The following PHLPP1 variants were observed in gnomAD, a reference collection of about 807,000 sequenced individuals.
PHLPP1 encodes the protein PH domain and leucine rich repeat protein phosphatase 1, also known as PH domain leucine-rich repeat-containing protein phosphatase 1.
PHLPP1 carries 42 observed loss-of-function variants against 117.2 expected under a neutral mutation model. That is an observed-to-expected ratio of 0.36 (90% CI 0.28 to 0.46). The LOEUF is 0.46. Among genes scored for constraint, PHLPP1 ranks in the 20% least tolerant of loss-of-function variants. PHLPP1 has a pLI of 1.00. For missense variants in PHLPP1, 2,084 were observed against 2,241.9 expected (o/e 0.93, Z 1.42); for synonymous variants, 1,042 against 970.7 (o/e 1.07, Z -1.37).
At chr18:62,832,032 T>C (rs1327537920) in intron 2 of PHLPP1, 1 of 152,244 alleles carries the variant, frequency 6.6e-6, no homozygotes, top group East Asian at 1.9e-4. Context: ...ATTACCACTA[T>C]AGGTTATTAA....
intron 10 of PHLPP1, among the ~76,000 whole-genome samples, chr18:62,930,918 G>A (rs531799903): frequency 3.3e-5 from 5 of 152,178 alleles, no homozygotes; most frequent in East Asian, 1.9e-4. Context: ...GGCCGGGTGC[G>A]GTGGCTCATG....
At chr18:62,803,555 T>C (rs1180551472) in intron 1 of PHLPP1, among the ~76,000 whole-genome samples, 1 of 152,232 alleles carries the variant, frequency 6.6e-6, no homozygotes, top group Admixed American at 6.5e-5. Context: ...TAGTTTTACA[T>C]TGTATAATTA....
intron 3 of PHLPP1, among the ~76,000 whole-genome samples, chr18:62,844,170 C>T (rs1248471526): frequency 1.3e-5 from 2 of 152,012 alleles, no homozygotes; most frequent in East Asian, 1.9e-4. Context: ...AACATGGTCT[C>T]TACAAAAAAT....
intron 12 of PHLPP1, among the ~76,000 whole-genome samples, chr18:62,955,190 A>G (rs559508917): frequency 6.6e-6 from 1 of 152,370 alleles, no homozygotes; most frequent in East Asian, 1.9e-4. Context: ...GTGTTAAGGC[A>G]CAGACAGATG....
At chr18:62,785,090 A>G (rs1294400931) in intron 1 of PHLPP1, among the ~76,000 whole-genome samples, 1 of 152,184 alleles carries the variant, frequency 6.6e-6, no homozygotes, top group East Asian at 1.9e-4. Flanking sequence ...TAATTGATGT[A>G]TTGTTTATAT....
At chr18:62,821,741 A>C (rs913250132) in intron 1 of PHLPP1, among the ~76,000 whole-genome samples, 1 of 151,556 alleles carries the variant, frequency 6.6e-6, no homozygotes, top group Middle Eastern at 3.2e-3. Context: ...TAAAAGGATA[A>C]TAAGAATGTA....
At chr18:62,846,607 C>T (rs1915189296) in intron 3 of PHLPP1, among the ~76,000 whole-genome samples, 1 of 150,918 alleles carries the variant, frequency 6.6e-6, no homozygotes, top group Non-Finnish European at 1.5e-5. Flanking sequence ...AGTTCCATTT[C>T]ATTTTCTTGT....
chr18:62,739,359 AC>A (rs1251091833), intron 1 of PHLPP1, among the ~76,000 whole-genome samples: 1 of 152,132 alleles, frequency 6.6e-6, no homozygotes, highest in Non-Finnish European at 1.5e-5. Context: ...ATTTTTGGTG[AC>A]GTATTGTAGT....
rs770851475 is a variant in PHLPP1 at position 62,978,460 on chromosome 18, G to A, written c.4183G>A (p.Ala1395Thr). Residue 1395 changes from alanine to threonine, a missense_variant, in exon 17 of 17, where the codon GCC (alanine) becomes ACC (threonine). Physicochemically the swap from Ala to Thr is moderately conservative, Grantham distance 58. Around this residue, in one of 2 missense-constraint regions of PHLPP1, gnomAD observed 1,365 missense variants for 1,605.9 expected, o/e 0.85. Transcript: ENST00000262719. This position sits in a 1 kb window ranked among gnomAD's most constrained non-coding sequence, Gnocchi z 7.0. Reference protein sequence around the residue: ...AVEAVRNVPDALAAAKKLCTL... With the variant: ...AVEAVRNVPDTLAAAKKLCTL... ...GGAAGCCGTGCGCAACGTGCCCGAT[G>A]CCCTGGCTGCTGCCAAGAAGCTGTG... 6.2e-7 allele frequency: 1 copy of A among 1,609,618 alleles called. No individual in the cohort carries two copies. Among genetic ancestry groups the A allele is most frequent in the Non-Finnish European group, 8.5e-7 (1 of 1,178,022 alleles).
At chr18:62,830,907 C>T (rs575811538) in intron 2 of PHLPP1, among the ~76,000 whole-genome samples, 2 of 152,164 alleles carry the variant, frequency 1.3e-5, no homozygotes, top group South Asian at 2.1e-4. Context: ...TTGACACATG[C>T]GGAGGGTTTG....
At chr18:62,836,774 C>T (rs9954231) in intron 2 of PHLPP1, among the ~76,000 whole-genome samples, 35,619 of 150,890 alleles carry the variant, frequency 0.24, 6,726 homozygotes, top group African/African-American at 0.53. Context: ...TTTTAAATGG[C>T]TATATAGGGG....
At chr18:62,781,269 C>T (rs1022127515) in intron 1 of PHLPP1, among the ~76,000 whole-genome samples, 2 of 152,152 alleles carry the variant, frequency 1.3e-5, no homozygotes, top group Admixed American at 6.5e-5. Context: ...AAAGTTTGTA[C>T]ATCAGTCTAA....
At chr18:62,785,671 T>C (rs759145505) in intron 1 of PHLPP1, among the ~76,000 whole-genome samples, 2 of 152,216 alleles carry the variant, frequency 1.3e-5, no homozygotes, top group Admixed American at 6.5e-5. Flanking sequence ...CGCTGCCCAC[T>C]GTGCTGTTTT....
intron 1 of PHLPP1, among the ~76,000 whole-genome samples, chr18:62,812,952 C>T (rs1914165544): frequency 6.6e-6 from 1 of 152,058 alleles, no homozygotes; most frequent in East Asian, 1.9e-4. Context: ...GTGATTATTC[C>T]AACCAATGAA....
At chr18:62,943,366 C>T (rs1329965059) in intron 11 of PHLPP1, among the ~76,000 whole-genome samples, 5 of 152,178 alleles carry the variant, frequency 3.3e-5, no homozygotes, top group Non-Finnish European at 5.9e-5. Context: ...AATTAAAGAA[C>T]GGGACCACCA....
intron 15 of PHLPP1, among the ~76,000 whole-genome samples, chr18:62,974,543 G>C (rs1911136470): frequency 6.6e-6 from 1 of 152,182 alleles, no homozygotes; most frequent in South Asian, 2.1e-4. Flanking sequence ...AGGGGCCTGG[G>C]CAGTGTTACC....
chr18:62,766,082 T>TATATATATATATATATAAA (rs1912500249), intron 1 of PHLPP1, among the ~76,000 whole-genome samples: 1 of 45,966 alleles, frequency 2.2e-5, no homozygotes, highest in Admixed American at 2.1e-4. Flanking sequence ...AAAAAATATA[T>TATATATATATATATATAAA]ATATATATAT....
Position 62,905,210 on chromosome 18 carries a change from T to C in PHLPP1, c.2648-14T>C. The C allele has an allele frequency of 6.6e-7, 1 of 1,514,880 alleles. No homozygotes were observed. Among genetic ancestry groups the C allele is most frequent in the African/African-American group, 1.4e-5 (1 of 71,348 alleles). The allele number at this position is 1,514,880 out of a possible 1,614,324, so 93.8% of individuals were successfully genotyped here. A position where few individuals can be genotyped will look rare whatever the true frequency, so the allele number is the denominator to read the frequency against. On this transcript the variant is annotated splice_polypyrimidine_tract_variant and intron_variant, in intron 7 of 16. Transcript: ENST00000262719. ...ATAGTAATGTCTTTGTGGGGTTTTT[T>C]TTTTTCTTCCTAGAACTTGTTCAAC...
rs145107126 is a variant in PHLPP1 at position 62,965,928 on chromosome 18, A to G, written c.3560+2456A>G. Among the ~76,000 whole-genome samples the G allele has an allele frequency of 3.9e-4, 60 of 152,074 alleles. No homozygotes were observed. In the East Asian group the frequency reaches 0.011, roughly 28 times the overall value. On this transcript the variant is annotated intron_variant, in intron 14 of 16. Coordinates refer to ENST00000262719, the MANE Select transcript of PHLPP1 (RefSeq NM_194449.4). ...TCATTCCAATTAGCAAGGGGAGCCT[A>G]CAGAAGGAAGACGGAATAAAATGAC...
Sources: allele counts gnomAD v4.1 joint callset (sites outside exome capture counted in the v4.1 genomes callset), GRCh38; gene constraint gnomAD v4.1.1; regional missense constraint gnomAD v4.1.1; non-coding constraint Gnocchi (gnomAD v3.1); transcripts MANE v1.5; gene names NCBI Gene and HGNC (gene_info 2026-07-23, HGNC 2026-07-21).